Variants in PITPNM2 observed in about 807,000 individuals in gnomAD.
PITPNM2 encodes membrane-associated phosphatidylinositol transfer protein 2.
A neutral mutation model predicts 132.2 loss-of-function variants in PITPNM2; 35 were observed. That is an observed-to-expected ratio of 0.26 (90% CI 0.20 to 0.35). The LOEUF (loss-of-function observed/expected upper bound fraction) is 0.35, where lower values mean the gene tolerates loss of function less well. PITPNM2 is among the 10% of genes least tolerant of loss of function. PITPNM2 has a pLI of 1.00. For synonymous variants in PITPNM2, 738 were observed against 799.2 expected, an observed-to-expected ratio of 0.92 and a Z score of 1.29; for missense variants, 1,332 against 1,912.0, an observed-to-expected ratio of 0.70 and a Z score of 5.66.
intron 1 of PITPNM2, among the ~76,000 whole-genome samples, chr12:123,133,809 CACACAG>C (rs927796730): frequency 2.2e-4 from 23 of 105,016 alleles, no homozygotes; most frequent in African/African-American, 4.8e-4. Flanking sequence ...CACACACACA[CACACAG>C]ACACACACAC....
Position 123,078,032 on chromosome 12 carries a change from G to A in PITPNM2, c.-96+32353C>T, listed in dbSNP as rs952662230. On this transcript the variant is annotated intron_variant, in intron 2 of 25. Coordinates refer to ENST00000320201, the MANE Select transcript of PITPNM2 (RefSeq NM_020845.3). The surrounding 1 kb of genome is among the most constrained non-coding windows in gnomAD (Gnocchi z 7.3). ...CGTGTCCCCAGGATGGGTGGACGGA[G>A]GAGCTGGGAGACTGGGCAGGGATGC... Among the ~76,000 whole-genome samples, 1 of 152,216 alleles carries A rather than the reference G, an allele frequency of 6.6e-6. No individual in the cohort carries two copies. The highest frequency in any genetic ancestry group is 1.5e-5 in the Non-Finnish European group (1 of 68,044).
chr12:122,986,940 C>G (rs1424571591), intron 23 of PITPNM2, 111 bp from the exon 24 acceptor site: 10 of 1,327,626 alleles, frequency 7.5e-6, no homozygotes, highest in Non-Finnish European at 1.0e-5. Context: ...TCTGATTGAG[C>G]TCAGACAGTA....
chr12:123,005,580 C>G lies in PITPNM2; in HGVS notation c.644-32G>C, dbSNP rs76495584. The G allele has an allele frequency of 6.3e-7, 1 of 1,594,424 alleles. No individual in the cohort carries two copies. Among genetic ancestry groups the G allele is most frequent in the South Asian group, 1.1e-5 (1 of 89,764 alleles). On this transcript the variant is annotated intron_variant, in intron 6 of 25. Transcript: ENST00000320201. The surrounding 1 kb of genome is among the most constrained non-coding windows in gnomAD (Gnocchi z 6.2). ...CCCATGGGGATCAGAGAGGGAGAGA[C>G]GAGGGGAGGGAGGTCAGCGCAGGAG...
intron 3 of PITPNM2, chr12:123,021,784 CCT>C: frequency 4.7e-6 from 4 of 852,248 alleles, no homozygotes; most frequent in Non-Finnish European, 5.6e-6. Context: ...TACAAACCCT[CCT>C]CTTTTTCTTT....
chr12:122,990,588 C>T lies in PITPNM2; in HGVS notation c.2526G>A (p.Val842=). 1 of 1,612,954 alleles carries T rather than the reference C, an allele frequency of 6.2e-7. No homozygotes were observed. The highest frequency in any genetic ancestry group is 8.5e-7 in the Non-Finnish European group (1 of 1,179,978). Residue 842 remains valine, a synonymous_variant, in exon 17 of 26, where the codon GTG becomes GTA. Transcript: ENST00000320201. ...RASEISIASQ[V]SGMAESYTAS... is the part of the protein sequence containing the mutation. ...CCGTGTAGCTCTCAGCCATGCCTGA[C>T]ACCTGGCTGGCGATGCTGATCTCAC...
chr12:123,018,611 A>C (rs1290203716), intron 3 of PITPNM2, among the ~76,000 whole-genome samples: 1 of 151,304 alleles, frequency 6.6e-6, no homozygotes, highest in Non-Finnish European at 1.5e-5. Context: ...TGCTCAACTA[A>C]TTAAAAAATT....
At chr12:123,072,795 A>C (rs2041655079) in intron 2 of PITPNM2, among the ~76,000 whole-genome samples, 1 of 152,258 alleles carries the variant, frequency 6.6e-6, no homozygotes, top group African/African-American at 2.4e-5. Context: ...CGTTGGACCA[A>C]ATAAAACCAG....
intron 3 of PITPNM2, among the ~76,000 whole-genome samples, chr12:123,032,545 T>C (rs535090975): frequency 1.1e-4 from 17 of 151,588 alleles, no homozygotes; most frequent in Middle Eastern, 3.2e-3. Flanking sequence ...AGCCCAGAGG[T>C]GATTCTATGC....
At position 122,993,861 on chromosome 12, in the gene PITPNM2, AG is replaced by A. The variant is rs1481634826; in HGVS notation, c.2233+939del. ...GAAGGCACTTGGGTGCTGAGTCCAGAGGTCTGCATTTTTTTTTTTCTTTTTT... is the reference window on the plus strand; with the variant it reads ...GAAGGCACTTGGGTGCTGAGTCCAGAGTCTGCATTTTTTTTTTTCTTTTTT... On this transcript the variant is annotated intron_variant, in intron 15 of 25. Transcript: ENST00000320201. This position sits in a 1 kb window ranked among gnomAD's most constrained non-coding sequence, Gnocchi z 5.2. 6.6e-6 allele frequency among the ~76,000 whole-genome samples: 1 copy of A among 151,656 alleles called. No individual in the cohort carries two copies. The highest frequency in any genetic ancestry group is 1.9e-4 in the East Asian group (1 of 5,182).
chr12:123,093,031 A>T (rs1274525803), intron 2 of PITPNM2, among the ~76,000 whole-genome samples: 1 of 152,240 alleles, frequency 6.6e-6, no homozygotes, highest in Non-Finnish European at 1.5e-5. Context: ...ACAGTGGAAG[A>T]TGATTGCACC....
Position 123,005,172 on chromosome 12 carries a change from A to G in PITPNM2, c.952+68T>C. On this transcript the variant is annotated intron_variant, in intron 7 of 25. Transcript: ENST00000320201. This position sits in a 1 kb window ranked among gnomAD's most constrained non-coding sequence, Gnocchi z 6.2. Reference sequence around the variant, plus strand: ...GAACTCTGAGGAGGTGCAGTGATCCAGCAGTGTGTGGGGCTGCCTTGAGGG... The same window carrying G: ...GAACTCTGAGGAGGTGCAGTGATCCGGCAGTGTGTGGGGCTGCCTTGAGGG... 1 of 1,524,158 alleles carries G rather than the reference A, an allele frequency of 6.6e-7. No homozygotes were observed. The highest frequency in any genetic ancestry group is 8.9e-7 in the Non-Finnish European group (1 of 1,121,576). The allele number at this position is 1,524,158 out of a possible 1,614,324, so 94.4% of individuals were successfully genotyped here.
At chr12:123,068,494 TAAATAA>T (rs2041517023) in intron 2 of PITPNM2, among the ~76,000 whole-genome samples, 1 of 130,104 alleles carries the variant, frequency 7.7e-6, no homozygotes, top group Non-Finnish European at 1.6e-5. Context: ...AATAAATAAA[TAAATAA>T]AAATAATCCT....
At chr12:123,116,647 CAAAAAAAAAAA>C (rs5801499) in intron 1 of PITPNM2, among the ~76,000 whole-genome samples, 1 of 107,886 alleles carries the variant, frequency 9.3e-6, no homozygotes, top group East Asian at 2.6e-4. Flanking sequence ...GACCTTGTTT[CAAAAAAAAAAA>C]AAAAAAAAAG....
At chr12:123,072,223 C>G in intron 2 of PITPNM2, among the ~76,000 whole-genome samples, 1 of 152,170 alleles carries the variant, frequency 6.6e-6, no homozygotes, top group East Asian at 1.9e-4. Flanking sequence ...CTGAGGGCAT[C>G]CATCGCTAAC....
At chr12:122,990,766 C>T in intron 16 of PITPNM2, 57 bp from the exon 17 acceptor site, 1 of 1,522,204 alleles carries the variant, frequency 6.6e-7, no homozygotes, top group Non-Finnish European at 8.8e-7. Context: ...AGCCCCGGAG[C>T]AGTGGGGAAG....
At chr12:123,029,917 C>T (rs966598908) in intron 3 of PITPNM2, among the ~76,000 whole-genome samples, 1 of 149,490 alleles carries the variant, frequency 6.7e-6, no homozygotes, top group African/African-American at 2.5e-5. Flanking sequence ...AGGATATGAG[C>T]CAGAAACTGG....
chr12:123,134,742 T>A (rs1196275722), intron 1 of PITPNM2, among the ~76,000 whole-genome samples: 1 of 152,166 alleles, frequency 6.6e-6, no homozygotes, highest in Non-Finnish European at 1.5e-5. Flanking sequence ...GCCCGTTGTG[T>A]GGTGAACTGT....
chr12:122,987,992 G>C, intron 20 of PITPNM2, 91 bp from the exon 21 acceptor site: 1 of 1,219,136 alleles, frequency 8.2e-7, no homozygotes, highest in Non-Finnish European at 1.2e-6. Flanking sequence ...TGAGGGGCAG[G>C]CTTGAGCTGT....
At position 123,013,887 on chromosome 12, in the gene PITPNM2, G is replaced by A; in HGVS notation, c.234C>T (p.Pro78=). The change falls in exon 4 of 26, where the codon CCC becomes CCT. Residue 78 remains proline, a synonymous_variant. Transcript: ENST00000320201. ...CCTCCACCACCCGCAGGGCTGCCTT[G>A]GGCAGGATGGAGCGGAACCAGCTGG... is the stretch of plus-strand genomic sequence containing the variant. ...HIPSWFRSIL[P]KAALRVVEES... is the part of the protein sequence containing the mutation. 6.2e-7 allele frequency: 1 copy of A among 1,614,278 alleles called. No individual in the cohort carries two copies. Among genetic ancestry groups the A allele is most frequent in the Non-Finnish European group, 8.5e-7 (1 of 1,180,054 alleles).
Sources: gnomAD v4.1 joint callset for allele counts (sites outside exome capture counted in the v4.1 genomes callset) on GRCh38, gnomAD v4.1.1 for gene constraint, Gnocchi (gnomAD v3.1) non-coding constraint, MANE v1.5 for transcripts, NCBI Gene and HGNC (gene_info 2026-07-23, HGNC 2026-07-21) for gene names.